Variants in ARHGEF26 observed in about 807,000 individuals in gnomAD.
ARHGEF26 encodes Rho guanine nucleotide exchange factor 26, also known as Rho guanine nucleotide exchange factor (GEF) 26.
Under a neutral mutation model 89.4 loss-of-function variants are expected in ARHGEF26, and 59 were observed. The ratio of observed to expected loss-of-function variants is 0.66; its 90% CI spans 0.54 to 0.82. The LOEUF is 0.82. Among genes scored for constraint, ARHGEF26 ranks in the 40% least tolerant of loss-of-function variants. ARHGEF26 has a pLI of 0.00. For synonymous variants in ARHGEF26, 500 were observed against 428.4 expected (o/e 1.17, Z -2.06); for missense variants, 1,234 against 1,085.6 (o/e 1.14, Z -1.92).
rs1280672153 is a variant in ARHGEF26, at chr3:154,194,680, T to A, written c.1807T>A (p.Tyr603Asn). 40 of 1,612,878 alleles carry A rather than the reference T, an allele frequency of 2.5e-5. No homozygotes were observed. Among genetic ancestry groups the A allele is most frequent in the Non-Finnish European group, 3.3e-5 (39 of 1,179,548 alleles). ...AAAAACACCTAAGGACTCTCCGAAG[T>A]ATGAAGTCTGCAAAAGAGCCTTGAA... Reference protein sequence around the residue: ...CQKTPKDSPKYEVCKRALKEV... With the variant: ...CQKTPKDSPKNEVCKRALKEV... Residue 603 changes from tyrosine to asparagine, a missense_variant, in exon 9 of 15, where the codon TAT becomes AAT. Tyr to Asn is a moderately radical substitution (Grantham distance 143, BLOSUM62 -2). Coordinates refer to ENST00000465093, the MANE Select transcript of ARHGEF26 (RefSeq NM_015595.4).
At chr3:154,131,989 A>G (rs1718706277) in intron 4 of ARHGEF26, among the ~76,000 whole-genome samples, 1 of 152,230 alleles carries the variant, frequency 6.6e-6, no homozygotes, top group Non-Finnish European at 1.5e-5. Flanking sequence ...GTAAAACTAT[A>G]AAGTGATTTC....
chr3:154,187,470 A>G (rs1713651083), intron 6 of ARHGEF26, among the ~76,000 whole-genome samples: 2 of 146,490 alleles, frequency 1.4e-5, no homozygotes, highest in Admixed American at 7.1e-5. Flanking sequence ...TGCTGAGATT[A>G]TAGGCGTGAG....
At chr3:154,194,453 G>C (rs1714156689) in intron 8 of ARHGEF26, among the ~76,000 whole-genome samples, 191 bp from the exon 9 acceptor site, 1 of 152,128 alleles carries the variant, frequency 6.6e-6, no homozygotes, top group South Asian at 2.1e-4. Flanking sequence ...CCATTCCCTG[G>C]ATGGACTTGG....
intron 9 of ARHGEF26, among the ~76,000 whole-genome samples, chr3:154,203,264 T>G (rs139965334): frequency 0.011 from 1,606 of 152,266 alleles, 21 homozygotes; most frequent in African/African-American, 0.037. Context: ...ATCATATGGT[T>G]TTTGTCTTTG....
intron 3 of ARHGEF26, 64 bp from the exon 4 acceptor site, chr3:154,129,510 A>AT: frequency 6.5e-7 from 1 of 1,541,276 alleles, no homozygotes; most frequent in Middle Eastern, 1.7e-4. Flanking sequence ...TATGATGTTT[A>AT]TTTAGAACAA....
At chr3:154,164,179 TCA>T (rs1711845278) in intron 6 of ARHGEF26, among the ~76,000 whole-genome samples, 1 of 152,084 alleles carries the variant, frequency 6.6e-6, no homozygotes, top group East Asian at 1.9e-4. Context: ...CTGAGCAACC[TCA>T]CAGCAAAATA....
rs1278487377 is a variant in ARHGEF26 at position 154,129,510 on chromosome 3, A to T, written c.1124-64A>T. The T allele has an allele frequency of 2.6e-6, 4 of 1,541,158 alleles. No individual in the cohort carries two copies. In the Admixed American group the frequency reaches 8.0e-5, roughly 31 times the overall value. On this transcript the variant is annotated intron_variant, in intron 3 of 14. Coordinates refer to ENST00000465093, the MANE Select transcript of ARHGEF26 (RefSeq NM_015595.4). ...CAAACATTGGGTACATATGATGTTT[A>T]TTTAGAACAAGTAACATAATGATTG...
chr3:154,175,259 T>C (rs1287063670), intron 6 of ARHGEF26, among the ~76,000 whole-genome samples: 1 of 152,210 alleles, frequency 6.6e-6, no homozygotes, highest in East Asian at 1.9e-4. Context: ...AAGCCTGACA[T>C]GGGCTGTACC....
chr3:154,149,280 G>A (rs754472015), intron 4 of ARHGEF26, 109 bp from the exon 5 acceptor site: 44 of 674,710 alleles, frequency 6.5e-5, no homozygotes, highest in Non-Finnish European at 9.6e-5. Context: ...ATTTTGTATA[G>A]TTTCTCCTAA....
At chr3:154,173,965 A>G (rs956823608) in intron 6 of ARHGEF26, among the ~76,000 whole-genome samples, 3 of 152,206 alleles carry the variant, frequency 2.0e-5, no homozygotes, top group Non-Finnish European at 4.4e-5. Context: ...GAAGATGATA[A>G]TAGTATCTAT....
At chr3:154,133,933 G>A (rs1033590504) in intron 4 of ARHGEF26, among the ~76,000 whole-genome samples, 4 of 152,068 alleles carry the variant, frequency 2.6e-5, no homozygotes, top group South Asian at 4.1e-4. Flanking sequence ...ATATTCCTAG[G>A]TATCTTATTT....
At chr3:154,142,219 C>CTT (rs967079020) in intron 4 of ARHGEF26, among the ~76,000 whole-genome samples, 13 of 145,148 alleles carry the variant, frequency 9.0e-5, no homozygotes, top group African/African-American at 3.3e-4. Context: ...AAAACTTTTT[C>CTT]TTTTTTTTTT....
intron 6 of ARHGEF26, among the ~76,000 whole-genome samples, chr3:154,168,823 CTTT>C (rs137986201): frequency 1.3e-5 from 2 of 149,032 alleles, no homozygotes; most frequent in Non-Finnish European, 3.0e-5. Flanking sequence ...GATTCTGCCA[CTTT>C]TTTTTTTCTC....
chr3:154,221,113 A>G (rs1716097606), intron 10 of ARHGEF26, among the ~76,000 whole-genome samples: 2 of 151,868 alleles, frequency 1.3e-5, no homozygotes, highest in South Asian at 4.2e-4. Flanking sequence ...CTGTCTTCCA[A>G]AACTGTGAGA....
chr3:154,143,390 A>G (rs1337165071), intron 4 of ARHGEF26, among the ~76,000 whole-genome samples: 1 of 151,366 alleles, frequency 6.6e-6, no homozygotes, highest in African/African-American at 2.4e-5. Flanking sequence ...CCTTTTTTTA[A>G]CAGTGTTATG....
chr3:154,253,998 C>T (rs1236588052), intron 13 of ARHGEF26, among the ~76,000 whole-genome samples: 4 of 152,174 alleles, frequency 2.6e-5, no homozygotes, highest in Non-Finnish European at 5.9e-5. Flanking sequence ...TCACTGCAAG[C>T]TCCGTCTCCT....
At chr3:154,244,196 A>C (rs1348968756) in intron 12 of ARHGEF26, among the ~76,000 whole-genome samples, 1 of 152,154 alleles carries the variant, frequency 6.6e-6, no homozygotes, top group South Asian at 2.1e-4. Flanking sequence ...TTTACACCTA[A>C]ATCTTTACTT....
At chr3:154,152,220 A>G (rs1720066295) in intron 5 of ARHGEF26, among the ~76,000 whole-genome samples, 1 of 152,188 alleles carries the variant, frequency 6.6e-6, no homozygotes, top group Non-Finnish European at 1.5e-5. Context: ...GAACCTTTTG[A>G]GGGTAGACAC....
intron 12 of ARHGEF26, among the ~76,000 whole-genome samples, chr3:154,251,722 A>G (rs919291566): frequency 1.3e-5 from 2 of 152,220 alleles, no homozygotes; most frequent in African/African-American, 4.8e-5. Context: ...TGAGCAAAAG[A>G]AGCCAAATAC....
Sources: allele counts gnomAD v4.1 joint callset (sites outside exome capture counted in the v4.1 genomes callset), GRCh38; gene constraint gnomAD v4.1.1; transcripts MANE v1.5; gene names NCBI Gene and HGNC (gene_info 2026-07-23, HGNC 2026-07-21).